CTNNA3: variants seen among roughly 807,000 people sequenced by gnomAD.
CTNNA3 encodes catenin alpha 3.
Under a neutral mutation model 95.7 loss-of-function variants are expected in CTNNA3, and 76 were observed. That is an observed-to-expected ratio of 0.79 (90% CI 0.66 to 0.96). The LOEUF is 0.96. CTNNA3 is among the 40% of genes least tolerant of loss of function. The pLI, the probability that CTNNA3 is intolerant of heterozygous loss-of-function variation, is 0.00. For missense variants in CTNNA3, 1,191 were observed against 1,089.8 expected, an observed-to-expected ratio of 1.09 and a Z score of -1.31; for synonymous variants, 431 against 374.4, an observed-to-expected ratio of 1.15 and a Z score of -1.74.
At chr10:66,029,745 T>C (rs2079413476) in intron 15 of CTNNA3, among the ~76,000 whole-genome samples, 1 of 152,172 alleles carries the variant, frequency 6.6e-6, no homozygotes, top group African/African-American at 2.4e-5. Context: ...TTTTATTCCA[T>C]GAGCTTGGAA....
At chr10:66,649,105 G>A (rs901109666) in intron 9 of CTNNA3, among the ~76,000 whole-genome samples, 2 of 152,162 alleles carry the variant, frequency 1.3e-5, no homozygotes, top group African/African-American at 4.8e-5. Flanking sequence ...ATAGGTGCCA[G>A]AAGAAAAGAG....
chr10:66,075,836 CA>C (rs765339471), intron 14 of CTNNA3, among the ~76,000 whole-genome samples: 18 of 150,954 alleles, frequency 1.2e-4, no homozygotes, highest in Non-Finnish European at 2.5e-4. Context: ...TCCCTTTCCA[CA>C]ATTTTTTTTT....
chr10:67,580,991 A>T (rs1299621556), intron 3 of CTNNA3, among the ~76,000 whole-genome samples: 1 of 152,188 alleles, frequency 6.6e-6, no homozygotes, highest in Non-Finnish European at 1.5e-5. Context: ...ATATACAATC[A>T]TGTCATCTGC....
intron 15 of CTNNA3, among the ~76,000 whole-genome samples, chr10:66,006,463 C>A (rs1452218959): frequency 6.6e-6 from 1 of 152,126 alleles, no homozygotes; most frequent in Non-Finnish European, 1.5e-5. Context: ...CTGTACTCAG[C>A]ACCAACATTT....
intron 10 of CTNNA3, among the ~76,000 whole-genome samples, chr10:66,598,722 G>GA (rs1488907783): frequency 4.0e-5 from 6 of 151,806 alleles, no homozygotes; most frequent in African/African-American, 4.8e-5. Context: ...CTAAAAACTA[G>GA]AAAAAATTGA....
chr10:67,380,919 G>A (rs541257282), intron 5 of CTNNA3, among the ~76,000 whole-genome samples: 73 of 152,244 alleles, frequency 4.8e-4, no homozygotes, highest in African/African-American at 1.7e-3. Flanking sequence ...AGCACTAAGA[G>A]AAATATAATA....
chr10:66,425,537 T>C (rs1291823960), intron 11 of CTNNA3, among the ~76,000 whole-genome samples: 2 of 152,072 alleles, frequency 1.3e-5, no homozygotes, highest in African/African-American at 2.4e-5. Flanking sequence ...GCCTACCAAC[T>C]AAATAAGACA....
intron 5 of CTNNA3, among the ~76,000 whole-genome samples, chr10:67,402,149 G>C (rs1844946943): frequency 6.6e-6 from 1 of 152,210 alleles, no homozygotes; most frequent in African/African-American, 2.4e-5. Context: ...GAAGCTCATT[G>C]AGATCAAGAA....
intron 5 of CTNNA3, among the ~76,000 whole-genome samples, chr10:67,433,107 T>G (rs1846169578): frequency 6.6e-6 from 1 of 152,054 alleles, no homozygotes; most frequent in Non-Finnish European, 1.5e-5. Flanking sequence ...CTTAACTATT[T>G]TTAGCTTTTT....
chr10:67,072,407 G>A (rs1002474060), intron 7 of CTNNA3, among the ~76,000 whole-genome samples: 1 of 151,948 alleles, frequency 6.6e-6, no homozygotes, highest in African/African-American at 2.4e-5. Flanking sequence ...TTGATTATTT[G>A]TCATGTAGTT....
chr10:65,949,940 T>G (rs574623963), intron 17 of CTNNA3, among the ~76,000 whole-genome samples: 1 of 152,148 alleles, frequency 6.6e-6, no homozygotes, highest in Admixed American at 6.5e-5. Flanking sequence ...GAAATGTTGT[T>G]AAACACTCTA....
At chr10:66,696,449 C>CCA (rs1564625031) in intron 9 of CTNNA3, among the ~76,000 whole-genome samples, 1 of 152,060 alleles carries the variant, frequency 6.6e-6, no homozygotes. Flanking sequence ...CCTCTTGGTA[C>CCA]ATAATAATGT....
intron 13 of CTNNA3, among the ~76,000 whole-genome samples, chr10:66,197,958 G>T (rs986701996): frequency 6.6e-6 from 1 of 152,118 alleles, no homozygotes; most frequent in African/African-American, 2.4e-5. Flanking sequence ...AGGAGGCAAA[G>T]GTGAATAAAA....
At chr10:67,685,537 C>A (rs1216496843) in intron 1 of CTNNA3, among the ~76,000 whole-genome samples, 1 of 152,108 alleles carries the variant, frequency 6.6e-6, no homozygotes, top group African/African-American at 2.4e-5. Flanking sequence ...GATTTAGATC[C>A]CCTGTTAGGA....
At chr10:66,378,162 T>C (rs950421993) in intron 12 of CTNNA3, among the ~76,000 whole-genome samples, 5 of 152,200 alleles carry the variant, frequency 3.3e-5, no homozygotes, top group Non-Finnish European at 7.4e-5. Context: ...TTGGTTTGTT[T>C]CTCTTAATTC....
At chr10:66,773,336 G>T (rs945816157) in intron 8 of CTNNA3, among the ~76,000 whole-genome samples, 1 of 152,176 alleles carries the variant, frequency 6.6e-6, no homozygotes, top group Non-Finnish European at 1.5e-5. Flanking sequence ...AGAGGAAATA[G>T]CATTCTCTGA....
intron 9 of CTNNA3, among the ~76,000 whole-genome samples, chr10:66,763,341 C>CACACAGAGAGAGAGAGAA (rs371974709): frequency 1.4e-5 from 2 of 139,104 alleles, no homozygotes; most frequent in African/African-American, 5.4e-5. Flanking sequence ...CACACACACA[C>CACACAGAGAGAGAGAGAA]AGAGAGAGAG....
chr10:66,645,427 T>C (rs1013116659), intron 9 of CTNNA3, among the ~76,000 whole-genome samples: 1 of 152,202 alleles, frequency 6.6e-6, no homozygotes, highest in Non-Finnish European at 1.5e-5. Flanking sequence ...TTGCTGCCTA[T>C]AGGTGTCAAA....
In CTNNA3 at chr10:67,512,342, T is replaced by TA. The variant is rs556308944; in HGVS notation, c.579+9499dup. On this transcript the variant is annotated intron_variant, in intron 5 of 17. Coordinates refer to ENST00000433211, the MANE Select transcript of CTNNA3 (RefSeq NM_013266.4). Reference sequence around the variant, plus strand: ...GTATGAAGGTTCCTAAAATAGATTTTAAAAAAATAGAACTATTATATGATC... The same window carrying TA: ...GTATGAAGGTTCCTAAAATAGATTTTAAAAAAAATAGAACTATTATATGATC... 2.6e-5 allele frequency among the ~76,000 whole-genome samples: 4 copies of TA among 152,166 alleles called. No individual in the cohort carries two copies. The East Asian group carries it at 7.7e-4, about 29-fold the overall frequency.
Sources: allele counts gnomAD v4.1 joint callset (sites outside exome capture counted in the v4.1 genomes callset), GRCh38; gene constraint gnomAD v4.1.1; transcripts MANE v1.5; gene names NCBI Gene and HGNC (gene_info 2026-07-23, HGNC 2026-07-21).